Variants in KLF12 observed in about 807,000 individuals in gnomAD.
The protein encoded by KLF12 is KLF transcription factor 12.
A neutral mutation model predicts 37.8 loss-of-function variants in KLF12; 9 were observed. The observed-to-expected ratio is 0.24, with a 90% CI of 0.14 to 0.42. The LOEUF (loss-of-function observed/expected upper bound fraction) is 0.42. Ranked by LOEUF, KLF12 falls within the 10% of genes least tolerant of loss-of-function variation. KLF12 has a pLI of 1.00. For missense variants in KLF12, 411 were observed against 516.0 expected, an observed-to-expected ratio of 0.80 and a Z score of 1.97; for synonymous variants, 208 against 202.1, an observed-to-expected ratio of 1.03 and a Z score of -0.25.
intron 6 of KLF12, among the ~76,000 whole-genome samples, chr13:73,717,332 C>T (rs2137695210): frequency 6.6e-6 from 1 of 152,284 alleles, no homozygotes. Flanking sequence ...AACCAAAAAA[C>T]AGTGGGCTGT....
intron 5 of KLF12, among the ~76,000 whole-genome samples, chr13:73,791,339 G>A (rs893199467): frequency 6.6e-6 from 1 of 152,144 alleles, no homozygotes; most frequent in African/African-American, 2.4e-5. Flanking sequence ...AAAAATAAGT[G>A]ATTCTGCAGC....
At chr13:74,063,055 A>C (rs1330246652) in intron 1 of KLF12, among the ~76,000 whole-genome samples, 2 of 150,928 alleles carry the variant, frequency 1.3e-5, no homozygotes, top group Non-Finnish European at 3.0e-5. Context: ...CTTCGGAAAA[A>C]CCTCTCTCTC....
chr13:74,191,474 C>T, the KLF12 span, among the ~76,000 whole-genome samples: 1 of 152,034 alleles, frequency 6.6e-6, no homozygotes, highest in Non-Finnish European at 1.5e-5. Flanking sequence ...TGATGTAATC[C>T]TAGAAGGAGC....
intron 3 of KLF12, among the ~76,000 whole-genome samples, chr13:73,850,916 G>A (rs1471077787): frequency 6.6e-6 from 1 of 152,110 alleles, no homozygotes; most frequent in Non-Finnish European, 1.5e-5. Context: ...TCTTTGTTTT[G>A]TATCCTGTTG....
intron 1 of KLF12, among the ~76,000 whole-genome samples, chr13:74,079,149 A>G (rs1229533630): frequency 6.6e-6 from 1 of 152,216 alleles, no homozygotes. Context: ...GCCAGTCACC[A>G]GAAGAAATCA....
the KLF12 span, among the ~76,000 whole-genome samples, chr13:74,296,834 A>G: frequency 7.9e-5 from 12 of 152,296 alleles, no homozygotes; most frequent in Admixed American, 4.6e-4. Flanking sequence ...TGTCCTGGGA[A>G]CTGCTATTTG....
At chr13:74,007,347 C>A (rs772544906) in intron 1 of KLF12, among the ~76,000 whole-genome samples, 8 of 151,782 alleles carry the variant, frequency 5.3e-5, no homozygotes, top group Non-Finnish European at 8.8e-5. Context: ...GCGATCTCGG[C>A]TCACTGCAAG....
At chr13:74,056,383 C>T (rs189828916) in intron 1 of KLF12, among the ~76,000 whole-genome samples, 1 of 152,212 alleles carries the variant, frequency 6.6e-6, no homozygotes, top group African/African-American at 2.4e-5. Context: ...TTTTTTAGGG[C>T]CTGGCTTTTA....
intron 2 of KLF12, among the ~76,000 whole-genome samples, chr13:73,992,656 C>T (rs1048352958): frequency 1.3e-5 from 2 of 152,110 alleles, no homozygotes; most frequent in African/African-American, 2.4e-5. Context: ...AAACTGGAAA[C>T]GTACAAAACA....
At chr13:73,971,609 T>C (rs1029780161) in intron 2 of KLF12, among the ~76,000 whole-genome samples, 4 of 152,202 alleles carry the variant, frequency 2.6e-5, no homozygotes, top group African/African-American at 7.2e-5. Context: ...GTATTTCTCC[T>C]GAGGCTCCAA....
At chr13:74,192,487 T>A in the KLF12 span, among the ~76,000 whole-genome samples, 3 of 152,224 alleles carry the variant, frequency 2.0e-5, no homozygotes, top group Admixed American at 2.0e-4. Flanking sequence ...ATGTGTAAGG[T>A]GTAGAGGCTC....
the KLF12 span, among the ~76,000 whole-genome samples, chr13:74,235,940 TTA>T: frequency 6.6e-6 from 1 of 151,064 alleles, no homozygotes; most frequent in African/African-American, 2.4e-5. Flanking sequence ...TTTATTTTTT[TTA>T]TTTTTATTTT....
In KLF12 at chr13:73,693,426, G is replaced by C. The variant is rs965077036; in HGVS notation, c.*2064C>G. ...CCTTGTTGGAGGGAAATTGCTTGATGAATTTTTGAGACCTGGCAGACAATA... is the reference window on the plus strand; with the variant it reads ...CCTTGTTGGAGGGAAATTGCTTGATCAATTTTTGAGACCTGGCAGACAATA... On this transcript the variant is annotated 3_prime_UTR_variant, in exon 8 of 8. Coordinates refer to ENST00000377669, the MANE Select transcript of KLF12 (RefSeq NM_007249.5). The C allele has an allele frequency of 2.6e-5, 4 of 152,218 alleles. No individual in the cohort carries two copies. The East Asian group carries it at 7.7e-4, about 29-fold the overall frequency. 9.4% of individuals were successfully genotyped at this position (152,218 alleles called of 1,614,324 possible).
rs147886719 is a variant in KLF12 at position 73,874,041 on chromosome 13, C to T, written c.124-27668G>A. On this transcript the variant is annotated intron_variant, in intron 3 of 7. Coordinates refer to ENST00000377669, the MANE Select transcript of KLF12 (RefSeq NM_007249.5). ...AAGGCTATAATGGCAATGGAAAAGG[C>T]AAGGTCGAGGACTGTTCACAGGGGA... Among the ~76,000 whole-genome samples, 146 of 152,212 alleles carry T rather than the reference C, an allele frequency of 9.6e-4. 1 individual carries two copies. Among genetic ancestry groups the T allele is most frequent in the African/African-American group, 3.2e-3 (134 of 41,532 alleles).
intron 1 of KLF12, among the ~76,000 whole-genome samples, chr13:74,039,968 T>C (rs1307093917): frequency 1.3e-5 from 2 of 152,234 alleles, no homozygotes; most frequent in African/African-American, 2.4e-5. Context: ...CACCAACTCA[T>C]GGATGTCAAA....
the KLF12 span, among the ~76,000 whole-genome samples, chr13:74,183,020 C>A: frequency 6.6e-6 from 1 of 152,050 alleles, no homozygotes. Flanking sequence ...AAATGCTGCC[C>A]CTGACCAAAC....
intron 3 of KLF12, among the ~76,000 whole-genome samples, chr13:73,910,386 T>C (rs1888510796): frequency 6.6e-6 from 1 of 152,178 alleles, no homozygotes; most frequent in African/African-American, 2.4e-5. Flanking sequence ...TGGCAAAATT[T>C]TGTAATCAAG....
chr13:74,255,328 T>C, the KLF12 span, among the ~76,000 whole-genome samples: 2 of 152,356 alleles, frequency 1.3e-5, no homozygotes, highest in African/African-American at 4.8e-5. Flanking sequence ...GCACATTGCA[T>C]GTGCCAGAGT....
intron 1 of KLF12, among the ~76,000 whole-genome samples, chr13:74,126,307 T>C (rs1877938578): frequency 1.3e-5 from 2 of 152,188 alleles, no homozygotes; most frequent in Non-Finnish European, 2.9e-5. Flanking sequence ...CCTGAAAGCA[T>C]ACAAAACTCA....
Sources: gnomAD v4.1 joint callset for allele counts (sites outside exome capture counted in the v4.1 genomes callset) on GRCh38, gnomAD v4.1.1 for gene constraint, MANE v1.5 for transcripts, NCBI Gene and HGNC (gene_info 2026-07-23, HGNC 2026-07-21) for gene names.